Variants in MYH7B observed in about 807,000 individuals in gnomAD.
MYH7B encodes myosin-7B.
MYH7B carries 205 observed loss-of-function variants against 234.5 expected under a neutral mutation model. The ratio of observed to expected loss-of-function variants is 0.87; its 90% CI spans 0.78 to 0.98. The LOEUF (loss-of-function observed/expected upper bound fraction) is 0.98, where lower values mean the gene tolerates loss of function less well. Among genes scored for constraint, MYH7B ranks in the 50% least tolerant of loss-of-function variants. The probability of loss-of-function intolerance (pLI) is 0.00; values close to 1 mark genes in which losing one functional copy is unlikely to be tolerated. For synonymous variants in MYH7B, 1,193 were observed against 1,105.0 expected (o/e 1.08, Z -1.58); for missense variants, 2,652 against 2,633.4 (o/e 1.01, Z -0.15).
At chr20:34,999,525 G>A (rs749822500) in intron 36 of MYH7B, 46 bp from the exon 37 acceptor site, 1 of 1,553,680 alleles carries the variant, frequency 6.4e-7, no homozygotes, top group Admixed American at 1.9e-5. Flanking sequence ...ACCTGGGTGG[G>A]AGTACAAGCC....
rs150178223 is a variant in MYH7B at position 34,994,426 on chromosome 20, C to T, written c.2700+25C>T. ...TGTGAGTCAGGGTTCCCCTTGTGAC[C>T]GGGCGTCCCCAGCCCCGAGTACCCC... On this transcript the variant is annotated intron_variant, in intron 27 of 44. Transcript: ENST00000262873. 9.1e-5 allele frequency: 140 copies of T among 1,544,160 alleles called. No homozygotes were observed. The East Asian group carries it at 2.4e-3, about 26-fold the overall frequency.
exon 32 of MYH7B, chr20:34,997,460 G>T: frequency 2.7e-6 from 4 of 1,496,406 alleles, no homozygotes; most frequent in Non-Finnish European, 2.7e-6. Context: ...AGGAGGCGGC[G>T]CTGCGGCACG....
chr20:34,990,294 T>C (rs748367103), exon 22 of MYH7B: 3 of 1,614,056 alleles, frequency 1.9e-6, no homozygotes, highest in Non-Finnish European at 2.5e-6. Flanking sequence ...TTCCAGACGG[T>C]GTCCCAGCTG....
At chr20:34,989,752 C>T (rs2082104577) in exon 20 of MYH7B, 2 of 1,613,856 alleles carry the variant, frequency 1.2e-6, no homozygotes, top group Non-Finnish European at 8.5e-7. Context: ...ACTGGGCATC[C>T]TGTCCATCCT....
At chr20:34,981,119 C>A (rs766401325) in intron 9 of MYH7B, 59 bp downstream of exon 9, 7 of 1,596,380 alleles carry the variant, frequency 4.4e-6, no homozygotes, top group Admixed American at 1.7e-5. Flanking sequence ...AGAAAGAGGG[C>A]GGTACCACAG....
intron 13 of MYH7B, 98 bp downstream of exon 13, chr20:34,985,227 T>C: frequency 1.7e-6 from 2 of 1,143,166 alleles, no homozygotes; most frequent in Admixed American, 1.8e-5. Context: ...TCCTGCCTGC[T>C]CTGGGCACTT....
chr20:34,963,864 T>C (rs1316376057), intron 2 of MYH7B, among the ~76,000 whole-genome samples: 1 of 152,212 alleles, frequency 6.6e-6, no homozygotes, highest in African/African-American at 2.4e-5. Context: ...AATTATATGA[T>C]TCTTGTGCAG....
intron 5 of MYH7B, 47 bp from the exon 6 acceptor site, chr20:34,979,343 A>G (rs2081904001): frequency 6.9e-7 from 1 of 1,454,920 alleles, no homozygotes; most frequent in Non-Finnish European, 9.5e-7. Flanking sequence ...TAGAACCTGG[A>G]GGTGCCTCAG....
rs373110411 is a variant in MYH7B at position 35,001,996 on chromosome 20, G to A, written c.5725G>A (p.Glu1909Lys). 8.1e-6 allele frequency: 13 copies of A among 1,614,034 alleles called. No individual in the cohort carries two copies. The highest frequency in any genetic ancestry group is 5.5e-5 in the South Asian group (5 of 91,076). ...GGCCAAGTATCGCAAGGCCCAGCAC[G>A]AGCTGGATGATGCGGAGGAGCGGGC... Residue 1909 changes from glutamate (E) to lysine (K), a missense_variant, in exon 44 of 45, where the codon GAG becomes AAG. By Grantham distance (56) the Glu-to-Lys change is moderately conservative. Coordinates refer to ENST00000262873, the Ensembl canonical transcript of MYH7B.
At chr20:34,998,664 T>C in intron 34 of MYH7B, 35 bp downstream of exon 34, 5 of 1,612,562 alleles carry the variant, frequency 3.1e-6, no homozygotes, top group Non-Finnish European at 4.2e-6. Flanking sequence ...AGTGGGCAGG[T>C]GGGCACCAGA....
At chr20:34,969,020 G>T (rs1175557917) in intron 2 of MYH7B, among the ~76,000 whole-genome samples, 1 of 152,194 alleles carries the variant, frequency 6.6e-6, no homozygotes. Context: ...AAGAGGACAG[G>T]AGCCTGTTCC....
At position 35,002,120 on chromosome 20, in the gene MYH7B, GGGGA is replaced by G. The variant is rs2082402599; in HGVS notation, c.5814+36_5814+39del. On this transcript the variant is annotated intron_variant, in intron 44 of 44. Transcript: ENST00000262873. ...GGCAGGGGCATTGCTCTCTGTGCAG[GGGGA>G]CTGTGGGGGCTGACAGGTAGTACTG... The G allele has an allele frequency of 3.1e-6, 5 of 1,609,704 alleles. No individual in the cohort carries two copies. The African/African-American group carries it at 6.7e-5, about 21-fold the overall frequency.
intron 1 of MYH7B, among the ~76,000 whole-genome samples, chr20:34,957,312 G>A (rs936825527): frequency 6.6e-6 from 1 of 152,078 alleles, no homozygotes; most frequent in Non-Finnish European, 1.5e-5. Flanking sequence ...TTTGGAAGTG[G>A]GGAGATGGGC....
Position 34,963,732 on chromosome 20 carries a change from T to G in MYH7B, c.-222+5520T>G, listed in dbSNP as rs528156007. Among the ~76,000 whole-genome samples, 18 of 152,378 alleles carry G rather than the reference T, an allele frequency of 1.2e-4. No individual in the cohort carries two copies. The East Asian group carries it at 3.5e-3, about 29-fold the overall frequency. On this transcript the variant is annotated intron_variant, in intron 2 of 44. Coordinates refer to ENST00000262873, the Ensembl canonical transcript of MYH7B. ...TGGCTCTTAAATTTAAGTCTTTGAT[T>G]CATTTTGAGTTAATTTTTATATAGG...
chr20:34,980,881 G>A (rs1263874610), intron 8 of MYH7B, 147 bp downstream of exon 8: 7 of 1,483,176 alleles, frequency 4.7e-6, no homozygotes, highest in African/African-American at 1.4e-5. Context: ...CCTCCGCATG[G>A]GAGCTGACCT....
intron 2 of MYH7B, among the ~76,000 whole-genome samples, chr20:34,966,209 G>A (rs1209530885): frequency 1.3e-5 from 2 of 152,232 alleles, no homozygotes; most frequent in Admixed American, 6.5e-5. Flanking sequence ...TGATAAGGTG[G>A]CACCACATAC....
chr20:34,973,548 C>G (rs2081812601), intron 2 of MYH7B, among the ~76,000 whole-genome samples: 1 of 152,214 alleles, frequency 6.6e-6, no homozygotes, highest in South Asian at 2.1e-4. Context: ...GAGGCCTCAG[C>G]CCTGGTCGAC....
In MYH7B at chr20:35,000,382, A is replaced by T. The variant is rs61746253; in HGVS notation, c.4871A>T (p.Lys1624Met). ...AATGAGGCGCTGCGGCTCAAGAAGA[A>T]GATGGAGGGTGACCTCAACGACCTG... The change falls in exon 39 of 45, where the codon AAG (lysine) becomes ATG (methionine). Residue 1624 changes from lysine (K) to methionine (M), a missense_variant. By Grantham distance (95) the Lys-to-Met change is moderately conservative (BLOSUM62 -1). Around this residue, in one of 3 missense-constraint regions of MYH7B, gnomAD observed 2,279 missense variants for 2,211.4 expected, o/e 1.03. Transcript: ENST00000262873. 7.9e-3 allele frequency: 12,673 copies of T among 1,599,642 alleles called. 63 individuals carry two copies. Among genetic ancestry groups the T allele is most frequent in the Non-Finnish European group, 0.01 (11,810 of 1,179,930 alleles).
intron 28 of MYH7B, 68 bp downstream of exon 28, chr20:34,995,646 A>C (rs1376283336): frequency 4.0e-5 from 63 of 1,592,850 alleles, no homozygotes; most frequent in Non-Finnish European, 5.2e-5. Context: ...AGGTGGCTGC[A>C]GGTCCCACCC....
Sources: allele counts gnomAD v4.1 joint callset (sites outside exome capture counted in the v4.1 genomes callset), GRCh38; gene constraint gnomAD v4.1.1; regional missense constraint gnomAD v4.1.1; transcripts MANE v1.5; gene names NCBI Gene and HGNC (gene_info 2026-07-23, HGNC 2026-07-21).